The following WWOX variants were observed in gnomAD, a reference collection of about 807,000 sequenced individuals.
WWOX encodes the protein WW domain containing oxidoreductase, also known as WW domain-containing oxidoreductase.
A neutral mutation model predicts 46.2 loss-of-function variants in WWOX; 69 were observed. The ratio of observed to expected loss-of-function variants is 1.49; its 90% CI spans 1.23 to 1.82. The LOEUF is 1.82. Among genes scored for constraint, WWOX ranks in the 40% most tolerant of loss-of-function variants. The pLI, the probability that WWOX is intolerant of heterozygous loss-of-function variation, is 0.00. For missense variants in WWOX, 919 were observed against 542.6 expected (o/e 1.69, Z -6.89); for synonymous variants, 359 against 202.6 (o/e 1.77, Z -6.56).
chr16:78,828,355 G>A (rs1430559774), intron 8 of WWOX, among the ~76,000 whole-genome samples: 2 of 152,108 alleles, frequency 1.3e-5, no homozygotes, highest in African/African-American at 4.8e-5. Context: ...TGGGCTGGAG[G>A]TGAGTGAGAA....
chr16:78,774,493 AT>A (rs1491361364), intron 8 of WWOX, among the ~76,000 whole-genome samples: 1 of 122,150 alleles, frequency 8.2e-6, no homozygotes, highest in African/African-American at 3.2e-5. Flanking sequence ...TGACAGACCC[AT>A]TTTGTGTGTG....
At chr16:78,585,416 C>T (rs1330075930) in intron 8 of WWOX, among the ~76,000 whole-genome samples, 1 of 152,136 alleles carries the variant, frequency 6.6e-6, no homozygotes, top group South Asian at 2.1e-4. Context: ...GGGGTTGACT[C>T]TTACAGCCTT....
chr16:78,758,105 CT>C (rs1203819218), intron 8 of WWOX, among the ~76,000 whole-genome samples: 2 of 152,052 alleles, frequency 1.3e-5, no homozygotes, highest in African/African-American at 4.8e-5. Flanking sequence ...TGAAATTTTT[CT>C]TTAAATCAAT....
At chr16:79,053,980 C>G (rs1455023312) in intron 8 of WWOX, among the ~76,000 whole-genome samples, 1 of 131,134 alleles carries the variant, frequency 7.6e-6, no homozygotes, top group Admixed American at 8.1e-5. Flanking sequence ...CTGTTATTAT[C>G]TCAAGGAGAG....
intron 8 of WWOX, among the ~76,000 whole-genome samples, chr16:79,135,620 G>A (rs1008700635): frequency 6.6e-6 from 1 of 152,150 alleles, no homozygotes; most frequent in Non-Finnish European, 1.5e-5. Context: ...CCAATGAGAT[G>A]TACTTCAAAT....
chr16:78,942,482 A>C lies in WWOX; in HGVS notation c.1057-269126A>C, dbSNP rs80089265. Among the ~76,000 whole-genome samples the C allele has an allele frequency of 3.5e-3, 535 of 152,302 alleles. 5 individuals are homozygous for C. The highest frequency in any genetic ancestry group is 0.011 in the African/African-American group (449 of 41,570). ...GTTGCCCCAAATAATCATAAGAAGA[A>C]GACAGAAGAAAAATTGATTCCCGTA... On this transcript the variant is annotated intron_variant, in intron 8 of 8. Transcript: ENST00000566780.
chr16:78,620,579 G>T (rs961532605), intron 8 of WWOX, among the ~76,000 whole-genome samples: 3 of 152,014 alleles, frequency 2.0e-5, no homozygotes, highest in Non-Finnish European at 4.4e-5. Context: ...ACCTTATCTG[G>T]GACTCTTGTC....
At chr16:78,607,493 G>T (rs557900473) in intron 8 of WWOX, among the ~76,000 whole-genome samples, 1 of 152,098 alleles carries the variant, frequency 6.6e-6, no homozygotes, top group Non-Finnish European at 1.5e-5. Context: ...ATTTTTATTG[G>T]TGCTAAGGGC....
At chr16:78,353,300 C>G (rs762233695) in intron 5 of WWOX, among the ~76,000 whole-genome samples, 1 of 152,124 alleles carries the variant, frequency 6.6e-6, no homozygotes, top group Admixed American at 6.5e-5. Context: ...AAGGGAAAAT[C>G]AAGTAAATCG....
At chr16:78,878,754 G>T (rs560061373) in intron 8 of WWOX, among the ~76,000 whole-genome samples, 1 of 152,004 alleles carries the variant, frequency 6.6e-6, no homozygotes, top group Non-Finnish European at 1.5e-5. Context: ...TAGTGAAGTT[G>T]CTTGCTTGAA....
At chr16:78,319,269 T>G (rs920982640) in intron 5 of WWOX, among the ~76,000 whole-genome samples, 26 of 151,182 alleles carry the variant, frequency 1.7e-4, no homozygotes, top group African/African-American at 6.3e-4. Context: ...GAACACACCT[T>G]GCTGATGTCG....
chr16:78,769,725 G>A (rs991099817), intron 8 of WWOX, among the ~76,000 whole-genome samples: 1 of 151,402 alleles, frequency 6.6e-6, no homozygotes, highest in Non-Finnish European at 1.5e-5. Context: ...GAATCAGGCC[G>A]AGCACAGTGA....
chr16:79,152,446 C>T (rs546811126), intron 8 of WWOX, among the ~76,000 whole-genome samples: 84 of 152,082 alleles, frequency 5.5e-4, no homozygotes, highest in South Asian at 4.2e-3. Context: ...ATGAGGCGGG[C>T]GGATCACGAG....
At chr16:79,129,820 C>G (rs1372804576) in intron 8 of WWOX, among the ~76,000 whole-genome samples, 1 of 152,128 alleles carries the variant, frequency 6.6e-6, no homozygotes, top group Non-Finnish European at 1.5e-5. Flanking sequence ...ATGGACCAGT[C>G]GAAGGAGGGT....
At chr16:78,728,292 A>G (rs2048885281) in intron 8 of WWOX, among the ~76,000 whole-genome samples, 1 of 151,098 alleles carries the variant, frequency 6.6e-6, no homozygotes, top group Admixed American at 6.6e-5. Context: ...CTCAAACTGA[A>G]CTCCTGAGCT....
At chr16:78,794,872 G>A (rs2142617724) in intron 8 of WWOX, among the ~76,000 whole-genome samples, 1 of 152,320 alleles carries the variant, frequency 6.6e-6, no homozygotes, top group Non-Finnish European at 1.5e-5. Flanking sequence ...GACTTTGACT[G>A]GGTTAGTGAC....
intron 4 of WWOX, among the ~76,000 whole-genome samples, chr16:78,117,489 C>A (rs963266225): frequency 6.6e-6 from 1 of 151,104 alleles, no homozygotes; most frequent in Non-Finnish European, 1.5e-5. Context: ...CAAAAACTCA[C>A]AAATCACTTG....
At chr16:78,206,824 A>G (rs939311544) in intron 5 of WWOX, among the ~76,000 whole-genome samples, 1 of 152,244 alleles carries the variant, frequency 6.6e-6, no homozygotes, top group Non-Finnish European at 1.5e-5. Context: ...CCAAGGTCAC[A>G]CAACTAAAAG....
intron 8 of WWOX, among the ~76,000 whole-genome samples, chr16:79,191,939 G>A (rs2051144661): frequency 6.6e-6 from 1 of 152,158 alleles, no homozygotes; most frequent in South Asian, 2.1e-4. Flanking sequence ...GGTCTTCTGG[G>A]CTCACCACAC....
Sources: allele counts gnomAD v4.1 joint callset (sites outside exome capture counted in the v4.1 genomes callset), GRCh38; gene constraint gnomAD v4.1.1; transcripts MANE v1.5; gene names NCBI Gene and HGNC (gene_info 2026-07-23, HGNC 2026-07-21).